MSI2: variants seen among roughly 807,000 people sequenced by gnomAD.
MSI2 encodes musashi RNA binding protein 2.
Under a neutral mutation model 45.6 loss-of-function variants are expected in MSI2, and 17 were observed. The observed-to-expected ratio is 0.37, with a 90% CI of 0.26 to 0.56. MSI2 has a LOEUF of 0.56. Ranked by LOEUF, MSI2 falls within the 20% of genes least tolerant of loss-of-function variation. The pLI is 0.77. For synonymous variants in MSI2, 156 were observed against 158.2 expected, an observed-to-expected ratio of 0.99 and a Z score of 0.11; for missense variants, 293 against 444.2, an observed-to-expected ratio of 0.66 and a Z score of 3.06.
chr17:57,585,282 A>G (rs964417357), intron 7 of MSI2, among the ~76,000 whole-genome samples: 1 of 152,214 alleles, frequency 6.6e-6, no homozygotes, highest in East Asian at 1.9e-4. Flanking sequence ...GTGAGGCTAT[A>G]TACAGAGACA....
At chr17:57,353,572 G>A (rs1357654688) in intron 5 of MSI2, among the ~76,000 whole-genome samples, 1 of 152,188 alleles carries the variant, frequency 6.6e-6, no homozygotes, top group Non-Finnish European at 1.5e-5. Flanking sequence ...AGTAGTTGGT[G>A]GAGATGTAGG....
chr17:57,300,097 C>G (rs1284598975), intron 5 of MSI2, among the ~76,000 whole-genome samples: 2 of 152,198 alleles, frequency 1.3e-5, no homozygotes, highest in Non-Finnish European at 2.9e-5. Flanking sequence ...CCTTCTGAAA[C>G]TGGTATCTAG....
the MSI2 span, among the ~76,000 whole-genome samples, chr17:57,689,748 G>A: frequency 5.9e-5 from 9 of 152,198 alleles, no homozygotes; most frequent in African/African-American, 2.2e-4. Context: ...GCTTAGTTTT[G>A]CCTATTCTAA....
rs547998475 is a variant in MSI2, at chr17:57,671,775, A to G, written c.791-3197A>G. Among the ~76,000 whole-genome samples the G allele has an allele frequency of 2.6e-5, 4 of 152,356 alleles. No individual in the cohort carries two copies. The South Asian group carries it at 6.2e-4, about 24-fold the overall frequency. ...CCACTGTCAGACAGCAGGAACAGCT[A>G]CTGACAAGTTTATGTGCCGAGTGGC... On this transcript the variant is annotated intron_variant, in intron 11 of 13. Coordinates refer to ENST00000284073, the MANE Select transcript of MSI2 (RefSeq NM_138962.4).
At chr17:57,642,528 G>A (rs1910338201) in intron 10 of MSI2, among the ~76,000 whole-genome samples, 1 of 152,162 alleles carries the variant, frequency 6.6e-6, no homozygotes, top group Non-Finnish European at 1.5e-5. Flanking sequence ...CTGGAAGAGT[G>A]AGCCACGGCC....
intron 5 of MSI2, among the ~76,000 whole-genome samples, chr17:57,336,752 G>A (rs145695672): frequency 7.7e-4 from 117 of 152,278 alleles, no homozygotes; most frequent in African/African-American, 1.2e-3. Flanking sequence ...GAGCTCTTGC[G>A]TGCGAGGAAC....
Position 57,308,290 on chromosome 17 carries a change from G to T in MSI2, c.312+46098G>T, listed in dbSNP as rs150031246. 1.8e-4 allele frequency among the ~76,000 whole-genome samples: 27 copies of T among 152,262 alleles called. No individual in the cohort carries two copies. In the East Asian group the frequency reaches 5.0e-3, roughly 28 times the overall value. On this transcript the variant is annotated intron_variant, in intron 5 of 13. Transcript: ENST00000284073. ...CCACCATTTTCCAAGGTTGTTTTGA[G>T]GATTAAAGGAGATAATGGATAGAAC...
At chr17:57,451,133 T>A (rs571547157) in intron 6 of MSI2, among the ~76,000 whole-genome samples, 1 of 152,102 alleles carries the variant, frequency 6.6e-6, no homozygotes, top group Non-Finnish European at 1.5e-5. Context: ...GGGGGTTGAG[T>A]ACCAGATACT....
intron 10 of MSI2, among the ~76,000 whole-genome samples, chr17:57,651,474 T>A (rs1234367394): frequency 6.6e-6 from 1 of 152,004 alleles, no homozygotes; most frequent in Non-Finnish European, 1.5e-5. Context: ...TGGCTCCATG[T>A]GTATGCAATC....
intron 9 of MSI2, among the ~76,000 whole-genome samples, chr17:57,620,145 C>T (rs1006082110): frequency 1.3e-5 from 2 of 152,208 alleles, no homozygotes; most frequent in African/African-American, 4.8e-5. Flanking sequence ...GAGGCAAGAG[C>T]TTGGGACTTC....
At chr17:57,655,387 G>A (rs1911519873) in intron 11 of MSI2, among the ~76,000 whole-genome samples, 1 of 152,186 alleles carries the variant, frequency 6.6e-6, no homozygotes, top group Admixed American at 6.5e-5. Flanking sequence ...CCCCCGACAG[G>A]TGAGGGAAGT....
intron 6 of MSI2, among the ~76,000 whole-genome samples, chr17:57,521,948 T>C (rs1343422773): frequency 6.6e-6 from 1 of 152,254 alleles, no homozygotes; most frequent in Non-Finnish European, 1.5e-5. Flanking sequence ...CCCCACCCTT[T>C]TCAAGGCCAG....
chr17:57,551,599 C>T (rs966423555), intron 7 of MSI2, among the ~76,000 whole-genome samples: 2 of 152,152 alleles, frequency 1.3e-5, no homozygotes, highest in African/African-American at 4.8e-5. Context: ...CATGTACACA[C>T]ACTGGTGTTC....
At chr17:57,484,127 G>A (rs1041011255) in intron 6 of MSI2, among the ~76,000 whole-genome samples, 1 of 152,214 alleles carries the variant, frequency 6.6e-6, no homozygotes, top group Non-Finnish European at 1.5e-5. Context: ...CCCCACCTCA[G>A]GCTGTTGGCT....
rs1269991553 is a variant in MSI2 at position 57,461,623 on chromosome 17, C to T, written c.405+60152C>T. ...CGATCTCAGCTGACAGCAACCTCCA[C>T]CTCCTGGGTTCAAGCGATTCTCCTG... is the stretch of plus-strand genomic sequence containing the variant. On this transcript the variant is annotated intron_variant, in intron 6 of 13. Transcript: ENST00000284073. Among the ~76,000 whole-genome samples, 12 of 151,718 alleles carry T rather than the reference C, an allele frequency of 7.9e-5. 1 individual carries two copies. The highest frequency in any genetic ancestry group is 7.9e-4 in the Admixed American group (12 of 15,216).
chr17:57,390,378 T>C (rs1038796762), intron 5 of MSI2, among the ~76,000 whole-genome samples: 4 of 152,186 alleles, frequency 2.6e-5, no homozygotes, highest in Non-Finnish European at 4.4e-5. Flanking sequence ...AAAATACTGA[T>C]GCCCAGGTCT....
chr17:57,602,866 C>G (rs1906060962), intron 8 of MSI2, among the ~76,000 whole-genome samples: 1 of 152,146 alleles, frequency 6.6e-6, no homozygotes. Context: ...AGGACCCACC[C>G]TAGACCTACA....
intron 6 of MSI2, among the ~76,000 whole-genome samples, chr17:57,493,482 A>G (rs887891789): frequency 2.0e-5 from 3 of 151,986 alleles, no homozygotes; most frequent in Non-Finnish European, 4.4e-5. Flanking sequence ...GTCCCAGTCA[A>G]TGAACACTTG....
intron 6 of MSI2, among the ~76,000 whole-genome samples, chr17:57,417,932 GTTCC>G (rs1225803079): frequency 2.0e-5 from 3 of 152,088 alleles, no homozygotes; most frequent in African/African-American, 7.2e-5. Flanking sequence ...TTTCACAATT[GTTCC>G]TTCCTCCCTG....
Sources: allele counts gnomAD v4.1 joint callset (sites outside exome capture counted in the v4.1 genomes callset), GRCh38; gene constraint gnomAD v4.1.1; transcripts MANE v1.5; gene names NCBI Gene and HGNC (gene_info 2026-07-23, HGNC 2026-07-21).